Variants in ENTREP2 observed in about 807,000 individuals in gnomAD.
ENTREP2 encodes protein ENTREP2.
chr15:29,403,210 T>C, the ENTREP2 span, among the ~76,000 whole-genome samples: 50,211 of 151,898 alleles, frequency 0.33, 8,802 homozygotes, highest in African/African-American at 0.44. Context: ...TGCTCCTTGA[T>C]AGAGAATAAT....
chr15:29,443,584 G>A, the ENTREP2 span, among the ~76,000 whole-genome samples: 3 of 152,090 alleles, frequency 2.0e-5, no homozygotes, highest in Non-Finnish European at 4.4e-5. Context: ...GCCCCAAGAA[G>A]TGTCCGAGGC....
At chr15:29,608,522 T>TTATTATTATTA in the ENTREP2 span, among the ~76,000 whole-genome samples, 1 of 140,536 alleles carries the variant, frequency 7.1e-6, no homozygotes, top group African/African-American at 2.6e-5. Context: ...TCCTGCCTTC[T>TTATTATTATTA]TTATTATTAT....
At chr15:29,521,774 G>A in the ENTREP2 span, among the ~76,000 whole-genome samples, 4 of 152,132 alleles carry the variant, frequency 2.6e-5, no homozygotes, top group Non-Finnish European at 5.9e-5. Context: ...GTCCCTTGGG[G>A]AATTGACACT....
the ENTREP2 span, among the ~76,000 whole-genome samples, chr15:29,419,295 A>C: frequency 6.6e-6 from 1 of 152,194 alleles, no homozygotes; most frequent in Admixed American, 6.5e-5. Context: ...ATTGGTAAAA[A>C]TTAATAATCA....
At chr15:29,495,317 C>T in the ENTREP2 span, among the ~76,000 whole-genome samples, 1 of 152,150 alleles carries the variant, frequency 6.6e-6, no homozygotes, top group South Asian at 2.1e-4. Context: ...TTTTCACATA[C>T]TTGTTGCCAT....
chr15:29,655,493 C>T, the ENTREP2 span, among the ~76,000 whole-genome samples: 9 of 152,050 alleles, frequency 5.9e-5, no homozygotes, highest in African/African-American at 1.9e-4. Context: ...CTAAAAATTA[C>T]AAGACACACA....
chr15:29,226,085 T>G, the ENTREP2 span, among the ~76,000 whole-genome samples: 5 of 152,204 alleles, frequency 3.3e-5, no homozygotes, highest in Admixed American at 1.3e-4. Flanking sequence ...CTCCAGGACT[T>G]GTCTTGACAC....
the ENTREP2 span, chr15:29,268,708 G>A: frequency 7.1e-7 from 1 of 1,402,984 alleles, no homozygotes; most frequent in Non-Finnish European, 9.7e-7. Context: ...TGCTCCCTGG[G>A]TTCGTTCTCC....
At chr15:29,330,950 C>T in the ENTREP2 span, among the ~76,000 whole-genome samples, 1 of 152,164 alleles carries the variant, frequency 6.6e-6, no homozygotes, top group Non-Finnish European at 1.5e-5. Context: ...CCACACCCCA[C>T]CCCACAGTAA....
the ENTREP2 span, among the ~76,000 whole-genome samples, chr15:29,281,587 T>C: frequency 6.6e-6 from 1 of 152,222 alleles, no homozygotes; most frequent in Non-Finnish European, 1.5e-5. Flanking sequence ...ACATCGAAAC[T>C]GGCAGAGGGG....
At chr15:29,469,723 G>A in the ENTREP2 span, among the ~76,000 whole-genome samples, 1 of 152,074 alleles carries the variant, frequency 6.6e-6, no homozygotes, top group Admixed American at 6.5e-5. Context: ...ATGGTTAAGA[G>A]GATCAGTTTC....
the ENTREP2 span, among the ~76,000 whole-genome samples, chr15:29,317,896 G>A: frequency 3.3e-5 from 5 of 152,120 alleles, no homozygotes; most frequent in African/African-American, 1.2e-4. Flanking sequence ...ACAGACTAGC[G>A]CCCACTCTGG....
chr15:29,637,859 T>G, the ENTREP2 span, among the ~76,000 whole-genome samples: 2 of 152,186 alleles, frequency 1.3e-5, no homozygotes, highest in African/African-American at 4.8e-5. Context: ...CTCGTCGCAC[T>G]GCCAACGCTG....
the ENTREP2 span, among the ~76,000 whole-genome samples, chr15:29,497,454 GC>G: frequency 6.6e-6 from 1 of 152,032 alleles, no homozygotes; most frequent in Non-Finnish European, 1.5e-5. Context: ...CTCATTATTA[GC>G]CTGTTAAGAC....
chr15:29,582,699 T>C, the ENTREP2 span, among the ~76,000 whole-genome samples: 8 of 152,156 alleles, frequency 5.3e-5, no homozygotes, highest in African/African-American at 1.9e-4. Flanking sequence ...TTGCTCAGCC[T>C]GGAGTGCAGT....
chr15:29,590,691 A>C, the ENTREP2 span, among the ~76,000 whole-genome samples: 3 of 151,020 alleles, frequency 2.0e-5, no homozygotes, highest in African/African-American at 7.3e-5. Flanking sequence ...CTCAAAAAAA[A>C]AAAAAAAAAA....
At chr15:29,117,971 A>G in the ENTREP2 span, 1 of 152,054 alleles carries the variant, frequency 6.6e-6, no homozygotes, top group African/African-American at 2.4e-5. Flanking sequence ...AACGAAACCC[A>G]CTCTAGAAAA....
chr15:29,224,412 C>T, the ENTREP2 span, among the ~76,000 whole-genome samples: 2 of 152,138 alleles, frequency 1.3e-5, no homozygotes, highest in Non-Finnish European at 2.9e-5. Flanking sequence ...CCACTGCTGG[C>T]TCGGGCAGCC....
At chr15:29,389,537 G>C in the ENTREP2 span, among the ~76,000 whole-genome samples, 4 of 152,144 alleles carry the variant, frequency 2.6e-5, no homozygotes, top group Admixed American at 6.5e-5. Flanking sequence ...AGCCAAGTTG[G>C]AAAACTTTTC....
Sources: allele counts gnomAD v4.1 joint callset (sites outside exome capture counted in the v4.1 genomes callset), GRCh38; gene constraint gnomAD v4.1.1; transcripts MANE v1.5; gene names NCBI Gene and HGNC (gene_info 2026-07-23, HGNC 2026-07-21).